TANK: variants seen among roughly 807,000 people sequenced by gnomAD.
The protein encoded by TANK is TRAF family member associated NFKB activator, also known as TRAF family member-associated NF-kappa-B activator.
Under a neutral mutation model 43.6 loss-of-function variants are expected in TANK, and 15 were observed. The ratio of observed to expected loss-of-function variants is 0.34; its 90% confidence interval spans 0.23 to 0.53. TANK has a LOEUF of 0.53. Among genes scored for constraint, TANK ranks in the 20% least tolerant of loss-of-function variants. The probability of loss-of-function intolerance (pLI) is 0.94; values close to 1 mark genes in which losing one functional copy is unlikely to be tolerated. For missense variants in TANK, 417 were observed against 498.6 expected, an observed-to-expected ratio of 0.84 and a Z score of 1.56; for synonymous variants, 162 against 178.2, an observed-to-expected ratio of 0.91 and a Z score of 0.73.
chr2:161,195,056 T>A (rs766833914), intron 2 of TANK, among the ~76,000 whole-genome samples: 1 of 152,230 alleles, frequency 6.6e-6, no homozygotes. Flanking sequence ...ATGGAAGATA[T>A]TTGTATCCTT....
upstream of TANK, among the ~76,000 whole-genome samples, chr2:161,159,388 C>CA (rs1394212924): frequency 6.6e-6 from 1 of 151,982 alleles, no homozygotes; most frequent in Non-Finnish European, 1.5e-5. Flanking sequence ...AAACTGCCCT[C>CA]AAAAAAAGTT....
chr2:161,200,413 G>GA (rs76156262), intron 2 of TANK: 6,652 of 877,412 alleles, frequency 7.6e-3, no homozygotes, highest in East Asian at 0.028. Flanking sequence ...TTAATCAAAT[G>GA]AAAAAAAAAA....
chr2:161,204,378 A>G (rs1574032893), intron 3 of TANK, among the ~76,000 whole-genome samples: 1 of 152,232 alleles, frequency 6.6e-6, no homozygotes. Flanking sequence ...AAATGTGAAT[A>G]TAAAAGTTGA....
intron 2 of TANK, among the ~76,000 whole-genome samples, chr2:161,181,702 C>T (rs946236853): frequency 6.6e-6 from 1 of 152,096 alleles, no homozygotes; most frequent in African/African-American, 2.4e-5. Context: ...GAAAATCCGC[C>T]TCCATGATCC....
chr2:161,202,948 T>C, intron 2 of TANK: 1 of 425,624 alleles, frequency 2.3e-6, no homozygotes, highest in East Asian at 7.6e-5. Context: ...TATATTCTCT[T>C]AATTTCTTAA....
intron 1 of TANK, among the ~76,000 whole-genome samples, chr2:161,138,448 T>C (rs935441062): frequency 6.6e-6 from 1 of 152,190 alleles, no homozygotes. Flanking sequence ...ATGGAGATTC[T>C]TATGATAGAA....
chr2:161,172,372 T>TTTTTTTTTTTTTTTTA (rs1684987074), intron 1 of TANK, among the ~76,000 whole-genome samples: 1 of 150,790 alleles, frequency 6.6e-6, no homozygotes, highest in African/African-American at 2.4e-5. Context: ...TTTTTTTTTT[T>TTTTTTTTTTTTTTTTA]TTGGGGGTAA....
chr2:161,227,845 C>G (rs756008036), intron 6 of TANK, among the ~76,000 whole-genome samples: 2 of 152,210 alleles, frequency 1.3e-5, no homozygotes, highest in Non-Finnish European at 2.9e-5. Flanking sequence ...ACTTTCAAGT[C>G]TACTGCCAGG....
intron 1 of TANK, among the ~76,000 whole-genome samples, chr2:161,170,752 A>C (rs150576324): frequency 7.2e-4 from 109 of 152,278 alleles, no homozygotes; most frequent in Non-Finnish European, 5.9e-4. Context: ...CAAGATTCTG[A>C]ATTGGGAGAA....
intron 2 of TANK, 115 bp downstream of exon 2, chr2:161,179,876 A>T: frequency 7.2e-7 from 1 of 1,388,520 alleles, no homozygotes; most frequent in Non-Finnish European, 9.4e-7. Flanking sequence ...CTATAATTAC[A>T]GAAATGCAGG....
At chr2:161,199,364 A>T (rs953731604) in intron 2 of TANK, among the ~76,000 whole-genome samples, 2 of 152,086 alleles carry the variant, frequency 1.3e-5, no homozygotes, top group Admixed American at 6.6e-5. Context: ...GAAATGTTTG[A>T]CTTAGGATAT....
chr2:161,215,248 G>A (rs950413357), intron 4 of TANK, among the ~76,000 whole-genome samples: 1 of 152,082 alleles, frequency 6.6e-6, no homozygotes, highest in East Asian at 1.9e-4. Flanking sequence ...AAATCATATT[G>A]CCTTTTTCTT....
chr2:161,189,959 A>T (rs990229578), intron 2 of TANK, among the ~76,000 whole-genome samples: 3 of 152,206 alleles, frequency 2.0e-5, no homozygotes, highest in Non-Finnish European at 4.4e-5. Flanking sequence ...GAAAACAGGC[A>T]ACTAAGGAAA....
In TANK at chr2:161,231,388, A is replaced by G. The variant is rs115110854; in HGVS notation, c.938A>G (p.Asn313Ser). 4 of 1,614,160 alleles carry G rather than the reference A, an allele frequency of 2.5e-6. No homozygotes were observed. The highest frequency in any genetic ancestry group is 2.7e-5 in the African/African-American group (2 of 75,042). The change falls in exon 7 of 8, where the codon AAT (asparagine) becomes AGT (serine). Residue 313 changes from asparagine (N) to serine (S), a missense_variant. Transcript: ENST00000392749. The stretch of plus-strand genomic sequence containing the variant: ...ACAACTGACAAAACAAAGCCCTCAA[A>G]TCTCGTAAACACTTGTATCAGGACA... ...LKTTDKTKPSNLVNTCIRTTL... is the reference protein window; with the variant it reads ...LKTTDKTKPSSLVNTCIRTTL...
Position 161,146,123 on chromosome 2 carries a change from A to G in TANK, c.-50+9060A>G, listed in dbSNP as rs949872419. 2.6e-5 allele frequency among the ~76,000 whole-genome samples: 4 copies of G among 152,252 alleles called. No homozygotes were observed. The East Asian group carries it at 5.8e-4, about 22-fold the overall frequency. On this transcript the variant is annotated intron_variant, in intron 1 of 7. Transcript: ENST00000259075. ...TTCTGCTTGGTCAATTCGGCTATTG[A>G]TACTTGTGTATGCTTCACGAAGTTC...
At chr2:161,176,494 T>C (rs1353455500) in intron 1 of TANK, among the ~76,000 whole-genome samples, 1 of 152,172 alleles carries the variant, frequency 6.6e-6, no homozygotes, top group African/African-American at 2.4e-5. Context: ...GTGACATTTG[T>C]GTGATCTAAT....
rs535860962 is a variant in TANK at position 161,236,124 on chromosome 2, T to C, written c.*606T>C. 2 of 151,868 alleles carry C rather than the reference T, an allele frequency of 1.3e-5. No homozygotes were observed. The highest frequency in any genetic ancestry group is 2.9e-5 in the Non-Finnish European group (2 of 67,956). 9.4% of individuals were successfully genotyped at this position (151,868 alleles called of 1,614,324 possible). ...TAAATAATATACATGGCTTTAATTT[T>C]TACTGTGTGTATAGCTACATGATGA... is the stretch of plus-strand genomic sequence containing the variant. On this transcript the variant is annotated 3_prime_UTR_variant, in exon 8 of 8. Coordinates refer to ENST00000392749, the MANE Select transcript of TANK (RefSeq NM_001199135.3).
At chr2:161,229,125 T>C (rs1270862940) in intron 6 of TANK, among the ~76,000 whole-genome samples, 1 of 152,194 alleles carries the variant, frequency 6.6e-6, no homozygotes, top group African/African-American at 2.4e-5. Flanking sequence ...AGCCAAGATA[T>C]GAAGGACAAA....
intron 2 of TANK, among the ~76,000 whole-genome samples, chr2:161,192,385 A>G (rs188281138): frequency 2.1e-4 from 32 of 152,274 alleles, no homozygotes; most frequent in Middle Eastern, 3.4e-3. Context: ...TCAAAGGATA[A>G]TCTCTCCTCT....
Sources: gnomAD v4.1 joint callset for allele counts (sites outside exome capture counted in the v4.1 genomes callset) on GRCh38, gnomAD v4.1.1 for gene constraint, MANE v1.5 for transcripts, NCBI Gene and HGNC (gene_info 2026-07-23, HGNC 2026-07-21) for gene names.